NMNAT3: variants seen among roughly 807,000 people sequenced by gnomAD.
NMNAT3 encodes the protein nicotinamide/nicotinic acid mononucleotide adenylyltransferase 3.
Under a neutral mutation model 24.8 loss-of-function variants are expected in NMNAT3, and 21 were observed. The observed-to-expected ratio is 0.85, with a 90% CI of 0.60 to 1.22. The LOEUF is 1.22. Ranked by LOEUF, NMNAT3 falls within the 50% of genes most tolerant of loss-of-function variation. The pLI, the probability that NMNAT3 is intolerant of heterozygous loss-of-function variation, is 0.00. For missense variants in NMNAT3, 387 were observed against 436.6 expected (o/e 0.89, Z 1.01); for synonymous variants, 136 against 155.2 (o/e 0.88, Z 0.92).
intron 1 of NMNAT3, among the ~76,000 whole-genome samples, chr3:139,642,005 G>A (rs2056719975): frequency 6.6e-6 from 1 of 152,110 alleles, no homozygotes; most frequent in Non-Finnish European, 1.5e-5. Context: ...GAAAGTACCT[G>A]GAGATCAGGA....
chr3:139,638,877 T>C (rs902491414), intron 1 of NMNAT3, among the ~76,000 whole-genome samples: 3 of 152,188 alleles, frequency 2.0e-5, no homozygotes, highest in African/African-American at 7.2e-5. Flanking sequence ...AATCTGGTCA[T>C]GACCTTTTCT....
intron 3 of NMNAT3, among the ~76,000 whole-genome samples, chr3:139,584,865 T>G (rs1343467903): frequency 6.6e-6 from 1 of 152,228 alleles, no homozygotes; most frequent in Admixed American, 6.5e-5. Context: ...TTCTGATTTT[T>G]TTGTCTGCCT....
At chr3:139,570,749 C>G (rs1938135112) in intron 6 of NMNAT3, 1 of 152,460 alleles carries the variant, frequency 6.6e-6, no homozygotes, top group African/African-American at 2.4e-5. Flanking sequence ...GTCAGTCCGC[C>G]CCACTGGGGG....
intron 6 of NMNAT3, chr3:139,565,760 C>T (rs1185890787): frequency 2.0e-5 from 3 of 152,166 alleles, no homozygotes; most frequent in African/African-American, 4.8e-5. Flanking sequence ...TCCAGTCTAT[C>T]GTTGTTGGAC....
At chr3:139,634,315 T>A (rs541263220) in intron 2 of NMNAT3, 1 of 152,386 alleles carries the variant, frequency 6.6e-6, no homozygotes, top group South Asian at 2.1e-4. Context: ...AAAACATCCC[T>A]GTTTATTATA....
At chr3:139,672,188 C>A (rs1215852045) in intron 1 of NMNAT3, among the ~76,000 whole-genome samples, 1 of 152,156 alleles carries the variant, frequency 6.6e-6, no homozygotes, top group Non-Finnish European at 1.5e-5. Context: ...ACACACCTGC[C>A]TTTAATATGC....
intron 1 of NMNAT3, among the ~76,000 whole-genome samples, chr3:139,661,064 G>A (rs571393345): frequency 6.6e-6 from 1 of 152,266 alleles, no homozygotes; most frequent in South Asian, 2.1e-4. Flanking sequence ...CCACCCAGCT[G>A]TTTGTGGAAG....
At chr3:139,612,065 G>T (rs1026049030) in intron 3 of NMNAT3, among the ~76,000 whole-genome samples, 1 of 152,014 alleles carries the variant, frequency 6.6e-6, no homozygotes, top group African/African-American at 2.4e-5. Context: ...TACTTGGGAG[G>T]CTGAGGCAGG....
intron 1 of NMNAT3, among the ~76,000 whole-genome samples, chr3:139,644,826 T>C (rs2108366925): frequency 6.6e-6 from 1 of 152,314 alleles, no homozygotes; most frequent in Non-Finnish European, 1.5e-5. Flanking sequence ...GGTGTTCAAC[T>C]TTTAGAGTCA....
At chr3:139,673,273 T>G (rs944384551) in intron 1 of NMNAT3, among the ~76,000 whole-genome samples, 1 of 152,160 alleles carries the variant, frequency 6.6e-6, no homozygotes, top group Non-Finnish European at 1.5e-5. Context: ...TGTATGACGC[T>G]GAGAACTGGA....
At chr3:139,657,894 TATGTC>T (rs1203583872) in intron 1 of NMNAT3, among the ~76,000 whole-genome samples, 1 of 151,738 alleles carries the variant, frequency 6.6e-6, no homozygotes, top group Admixed American at 6.6e-5. Context: ...GCTGTGGAGA[TATGTC>T]ATGAGTGTGC....
chr3:139,633,865 C>T (rs989828215), intron 2 of NMNAT3, among the ~76,000 whole-genome samples: 6 of 152,130 alleles, frequency 3.9e-5, no homozygotes, highest in African/African-American at 1.2e-4. Context: ...AGCCTCTGAA[C>T]GATTTTAAAC....
At chr3:139,618,567 T>A (rs2055616782) in intron 3 of NMNAT3, among the ~76,000 whole-genome samples, 1 of 152,204 alleles carries the variant, frequency 6.6e-6, no homozygotes, top group Non-Finnish European at 1.5e-5. Flanking sequence ...CTAAACAAAC[T>A]GTTTCAGCTT....
intron 3 of NMNAT3, among the ~76,000 whole-genome samples, chr3:139,588,815 G>A (rs1324220295): frequency 6.6e-6 from 1 of 152,182 alleles, no homozygotes; most frequent in Non-Finnish European, 1.5e-5. Flanking sequence ...AGCTGAGGGA[G>A]GGGAAGTAAC....
At chr3:139,659,527 G>T (rs1401844801) in intron 1 of NMNAT3, among the ~76,000 whole-genome samples, 1 of 152,192 alleles carries the variant, frequency 6.6e-6, no homozygotes, top group Non-Finnish European at 1.5e-5. Context: ...GGGATACATG[G>T]TTTGCTTTCT....
chr3:139,645,021 G>A (rs1451874938), intron 1 of NMNAT3, among the ~76,000 whole-genome samples: 1 of 152,172 alleles, frequency 6.6e-6, no homozygotes, highest in Non-Finnish European at 1.5e-5. Flanking sequence ...GAACAAAATG[G>A]TGAGACCTCA....
At chr3:139,652,806 C>G (rs898105792) in intron 1 of NMNAT3, among the ~76,000 whole-genome samples, 1 of 152,162 alleles carries the variant, frequency 6.6e-6, no homozygotes, top group Non-Finnish European at 1.5e-5. Flanking sequence ...TTCTCTTCCT[C>G]GAGAGAAGCT....
Position 139,564,562 on chromosome 3 carries a change from C to G in NMNAT3, c.659-3170G>C, listed in dbSNP as rs145073581. Among the ~76,000 whole-genome samples, 1,175 of 152,232 alleles carry G rather than the reference C, an allele frequency of 7.7e-3. 22 individuals are homozygous for G. Among genetic ancestry groups the G allele is most frequent in the African/African-American group, 0.027 (1,106 of 41,522 alleles). On this transcript the variant is annotated intron_variant, in intron 6 of 6. Transcript: ENST00000643695. ...TCCCAAAGTGTCACACCCAAGCAGCCCAGAATGTAGCAATCCATATGACTC... is the reference window on the plus strand; with the variant it reads ...TCCCAAAGTGTCACACCCAAGCAGCGCAGAATGTAGCAATCCATATGACTC...
intron 1 of NMNAT3, among the ~76,000 whole-genome samples, chr3:139,646,423 T>C (rs138759020): frequency 1.2e-3 from 178 of 152,294 alleles, no homozygotes; most frequent in Middle Eastern, 6.8e-3. Context: ...GGCAGATGCA[T>C]TCCCCCTGTT....
Sources: allele counts gnomAD v4.1 joint callset (sites outside exome capture counted in the v4.1 genomes callset), GRCh38; gene constraint gnomAD v4.1.1; transcripts MANE v1.5; gene names NCBI Gene and HGNC (gene_info 2026-07-23, HGNC 2026-07-21).